Variants in PTPRG observed in about 807,000 individuals in gnomAD.
The protein encoded by PTPRG is protein tyrosine phosphatase receptor type G, also known as receptor-type tyrosine-protein phosphatase gamma.
Under a neutral mutation model 165.3 loss-of-function variants are expected in PTPRG, and 102 were observed. That is an observed-to-expected ratio of 0.62 (90% CI 0.53 to 0.73). PTPRG has a LOEUF of 0.73. Among genes scored for constraint, PTPRG ranks in the 30% least tolerant of loss-of-function variants. The probability of loss-of-function intolerance (pLI) is 0.00; values close to 1 mark genes in which losing one functional copy is unlikely to be tolerated. For missense variants in PTPRG, 1,866 were observed against 1,861.4 expected, an observed-to-expected ratio of 1.00 and a Z score of -0.05; for synonymous variants, 675 against 669.5, an observed-to-expected ratio of 1.01 and a Z score of -0.13.
chr3:62,070,678 AG>A (rs1380092355), intron 4 of PTPRG, among the ~76,000 whole-genome samples: 2 of 152,240 alleles, frequency 1.3e-5, no homozygotes, highest in Non-Finnish European at 2.9e-5. Flanking sequence ...ATGTTAGATT[AG>A]GAGCTTATTT....
intron 29 of PTPRG, 58 bp from the exon 30 acceptor site, chr3:62,293,103 C>T (rs1702957929): frequency 8.0e-6 from 11 of 1,371,120 alleles, no homozygotes; most frequent in Middle Eastern, 2.0e-4. Flanking sequence ...GTATTTCCAC[C>T]TTATGTGAAA....
chr3:61,563,891 T>G (rs962825428), intron 1 of PTPRG, among the ~76,000 whole-genome samples: 1 of 152,206 alleles, frequency 6.6e-6, no homozygotes, highest in South Asian at 2.1e-4. Context: ...GAAAACACCG[T>G]CTGGTATTCT....
intron 4 of PTPRG, among the ~76,000 whole-genome samples, chr3:62,050,340 A>T (rs770830659): frequency 2.0e-5 from 3 of 152,234 alleles, no homozygotes; most frequent in African/African-American, 4.8e-5. Context: ...TACAGTATTC[A>T]ATACAGTCAT....
At chr3:61,680,568 C>T (rs1349121347) in intron 1 of PTPRG, among the ~76,000 whole-genome samples, 1 of 141,324 alleles carries the variant, frequency 7.1e-6, no homozygotes, top group African/African-American at 2.6e-5. Flanking sequence ...TGACCCTTGG[C>T]TACTTTTGAA....
chr3:62,276,023 C>G, intron 24 of PTPRG, 57 bp downstream of exon 24: 2 of 1,289,594 alleles, frequency 1.6e-6, no homozygotes, highest in Non-Finnish European at 2.2e-6. Context: ...ATGTTAGGTA[C>G]AGAGGCAGCC....
At chr3:62,022,065 A>G (rs938530819) in intron 4 of PTPRG, among the ~76,000 whole-genome samples, 2 of 152,014 alleles carry the variant, frequency 1.3e-5, no homozygotes, top group Non-Finnish European at 2.9e-5. Context: ...TCATAACCTC[A>G]TTACTGGTCT....
intron 2 of PTPRG, among the ~76,000 whole-genome samples, chr3:61,850,499 T>C (rs958862620): frequency 2.0e-5 from 3 of 152,232 alleles, no homozygotes; most frequent in Non-Finnish European, 4.4e-5. Flanking sequence ...GTATGACATA[T>C]ATGTTTTTGT....
At chr3:61,983,947 T>C (rs2040698747) in intron 2 of PTPRG, among the ~76,000 whole-genome samples, 1 of 152,164 alleles carries the variant, frequency 6.6e-6, no homozygotes. Context: ...AAAATTTATA[T>C]GTGTCGACCA....
rs548113418 is a variant in PTPRG at position 62,140,719 on chromosome 3, C to A, written c.682+8051C>A. Among the ~76,000 whole-genome samples, 18 of 151,926 alleles carry A rather than the reference C, an allele frequency of 1.2e-4. No homozygotes were observed. In the East Asian group the frequency reaches 3.5e-3, roughly 29 times the overall value. On this transcript the variant is annotated intron_variant, in intron 6 of 29. Transcript: ENST00000474889. ...AAAATTAGCCAGGCATGGTGTTATG[C>A]GCCTGTAGTCCCAGCTACTCAGGAG...
chr3:61,927,488 T>C (rs2039249810), intron 2 of PTPRG, among the ~76,000 whole-genome samples: 1 of 152,212 alleles, frequency 6.6e-6, no homozygotes, highest in Non-Finnish European at 1.5e-5. Context: ...TGAGAATTGT[T>C]ATATCCTGTA....
intron 7 of PTPRG, among the ~76,000 whole-genome samples, chr3:62,163,917 G>T (rs967668246): frequency 1.3e-5 from 2 of 152,228 alleles, no homozygotes; most frequent in Non-Finnish European, 2.9e-5. Flanking sequence ...GGTAGCAGGG[G>T]TAAGGGTTTT....
chr3:62,133,844 A>C (rs986604390), intron 6 of PTPRG, among the ~76,000 whole-genome samples: 5 of 152,118 alleles, frequency 3.3e-5, no homozygotes, highest in African/African-American at 1.2e-4. Flanking sequence ...TTAGCTGAGC[A>C]TAGTGATAGG....
chr3:62,156,683 T>C (rs113213147), intron 6 of PTPRG, among the ~76,000 whole-genome samples: 11 of 152,288 alleles, frequency 7.2e-5, no homozygotes, highest in African/African-American at 2.2e-4. Flanking sequence ...AGTTCTATGA[T>C]GAAACAAGAT....
In PTPRG at chr3:61,738,611, T is replaced by A. The variant is rs144254096; in HGVS notation, c.86-10267T>A. Among the ~76,000 whole-genome samples, 1,312 of 151,446 alleles carry A rather than the reference T, an allele frequency of 8.7e-3. 24 individuals carry two copies. Among genetic ancestry groups the A allele is most frequent in the African/African-American group, 0.03 (1,229 of 41,270 alleles). ...CCCAGGCTGGAGTGCAGTGGTGCGA[T>A]CTTGGCTCACTGCAAGCTTATTTCT... On this transcript the variant is annotated intron_variant, in intron 1 of 29. Transcript: ENST00000474889.
chr3:62,168,115 G>A lies in PTPRG; in HGVS notation c.985G>A (p.Asp329Asn), dbSNP rs1473398406. ...KSAVRDSWNH[D>N]MTDFLENPLG... ...CGCCGTCCGTGACTCCTGGAACCAC[G>A]ACATGACAGACTTCTTAGAAAACCC... Residue 329 changes from aspartate to asparagine, a missense_variant, in exon 8 of 30, where the codon GAC becomes AAC. Physicochemically the swap from Asp to Asn is conservative, Grantham distance 23 (BLOSUM62 1). This residue lies in a region of PTPRG where 1,452 missense variants were observed against 1,463.0 expected (regional missense o/e 0.99). Coordinates refer to ENST00000474889, the MANE Select transcript of PTPRG (RefSeq NM_002841.4). 6.2e-6 allele frequency: 10 copies of A among 1,613,936 alleles called. No homozygotes were observed. The highest frequency in any genetic ancestry group is 2.2e-5 in the East Asian group (1 of 44,880).
At chr3:61,637,733 T>G (rs1320350330) in intron 1 of PTPRG, among the ~76,000 whole-genome samples, 1 of 152,192 alleles carries the variant, frequency 6.6e-6, no homozygotes, top group East Asian at 1.9e-4. Context: ...TGGATTTGTG[T>G]GTGTGTGTTT....
intron 14 of PTPRG, among the ~76,000 whole-genome samples, chr3:62,235,836 T>A (rs1701020573): frequency 6.6e-6 from 1 of 152,206 alleles, no homozygotes; most frequent in African/African-American, 2.4e-5. Flanking sequence ...TTTGTTCTCT[T>A]TTCTCTTCCC....
intron 1 of PTPRG, among the ~76,000 whole-genome samples, chr3:61,713,594 G>A (rs1181397011): frequency 2.0e-5 from 3 of 152,008 alleles, no homozygotes; most frequent in Admixed American, 2.0e-4. Context: ...TTAAATTCAG[G>A]TTATTCCAAT....
rs1245434893 is a variant in PTPRG at position 61,940,166 on chromosome 3, C to G, written c.191-49459C>G. ...TTTACCAGGTTGGCCAGGCTGGTCT[C>G]GAATTCCTGACGTCAGGTGATCCAC... On this transcript the variant is annotated intron_variant, in intron 2 of 29. Coordinates refer to ENST00000474889, the MANE Select transcript of PTPRG (RefSeq NM_002841.4). Among the ~76,000 whole-genome samples the G allele has an allele frequency of 2.6e-5, 4 of 151,876 alleles. No individual in the cohort carries two copies. The South Asian group carries it at 6.2e-4, about 24-fold the overall frequency.
Sources: allele counts gnomAD v4.1 joint callset (sites outside exome capture counted in the v4.1 genomes callset), GRCh38; gene constraint gnomAD v4.1.1; regional missense constraint gnomAD v4.1.1; transcripts MANE v1.5; gene names NCBI Gene and HGNC (gene_info 2026-07-23, HGNC 2026-07-21).